The following FRRS1 variants were observed in gnomAD, a reference collection of about 807,000 sequenced individuals.
The protein encoded by FRRS1 is ferric chelate reductase 1.
In FRRS1, 51 loss-of-function variants were observed where a neutral mutation model predicts 70.7. That is an observed-to-expected ratio of 0.72 (90% CI 0.58 to 0.91). FRRS1 has a LOEUF of 0.91. Ranked by LOEUF, FRRS1 falls within the 40% of genes least tolerant of loss-of-function variation. The probability of loss-of-function intolerance (pLI) is 0.00; values close to 1 mark genes in which losing one functional copy is unlikely to be tolerated. For missense variants in FRRS1, 672 were observed against 726.0 expected, an observed-to-expected ratio of 0.93 and a Z score of 0.86; for synonymous variants, 225 against 238.7, an observed-to-expected ratio of 0.94 and a Z score of 0.53.
At chr1:99,734,841 C>T (rs1022005895) in intron 7 of FRRS1, among the ~76,000 whole-genome samples, 1 of 152,116 alleles carries the variant, frequency 6.6e-6, no homozygotes, top group African/African-American at 2.4e-5. Context: ...CAGGAACACA[C>T]ATCTGGACGA....
At chr1:99,732,439 A>AT (rs1227556284) in intron 7 of FRRS1, among the ~76,000 whole-genome samples, 2 of 152,188 alleles carry the variant, frequency 1.3e-5, no homozygotes, top group African/African-American at 4.8e-5. Context: ...CTAAAGCTAT[A>AT]TTTTATTGAG....
intron 7 of FRRS1, among the ~76,000 whole-genome samples, chr1:99,730,966 G>A (rs949650303): frequency 3.3e-5 from 5 of 152,088 alleles, no homozygotes; most frequent in African/African-American, 1.2e-4. Context: ...AGCCCAGGAG[G>A]TCAAGTCTGC....
intron 1 of FRRS1, among the ~76,000 whole-genome samples, chr1:99,758,883 C>A (rs1022743435): frequency 6.6e-6 from 1 of 152,124 alleles, no homozygotes; most frequent in Non-Finnish European, 1.5e-5. Flanking sequence ...CTGGGAATGT[C>A]TGTCTTATGG....
Position 99,705,666 on chromosome 1 carries a change from A to G in FRRS1, c.*3362T>C, listed in dbSNP as rs548003752. Among the ~76,000 whole-genome samples the G allele has an allele frequency of 6.6e-6, 1 of 152,300 alleles. No individual in the cohort carries two copies. Among genetic ancestry groups the G allele is most frequent in the South Asian group, 2.1e-4 (1 of 4,830 alleles). On this transcript the variant is annotated 3_prime_UTR_variant, in exon 17 of 17. Coordinates refer to ENST00000646001, the MANE Select transcript of FRRS1 (RefSeq NM_001361041.2). ...ACAAAATCCTTGACAAAAATAAAGT[A>G]CTAAAGTGAATTTGATTCATTTACT...
At chr1:99,763,030 C>A (rs1215985099) in intron 1 of FRRS1, among the ~76,000 whole-genome samples, 1 of 152,202 alleles carries the variant, frequency 6.6e-6, no homozygotes, top group South Asian at 2.1e-4. Context: ...TCCTAAGGTA[C>A]AATTCTCATT....
At chr1:99,758,917 G>A (rs1027492985) in intron 1 of FRRS1, among the ~76,000 whole-genome samples, 1 of 152,082 alleles carries the variant, frequency 6.6e-6, no homozygotes, top group Non-Finnish European at 1.5e-5. Flanking sequence ...ACTGAGATAC[G>A]CCCTGGTCTC....
intron 12 of FRRS1, among the ~76,000 whole-genome samples, chr1:99,714,328 C>T (rs548108420): frequency 6.6e-5 from 10 of 151,880 alleles, no homozygotes; most frequent in African/African-American, 1.7e-4. Context: ...GGATGACAGG[C>T]GTGCGCCACC....
At chr1:99,716,265 T>C (rs147538608) in intron 11 of FRRS1, among the ~76,000 whole-genome samples, 1 of 152,316 alleles carries the variant, frequency 6.6e-6, no homozygotes, top group African/African-American at 2.4e-5. Flanking sequence ...TGTGTATGGA[T>C]GGATGGCTGG....
At position 99,705,188 on chromosome 1, in the gene FRRS1, G is replaced by C. The variant is rs1171824300; in HGVS notation, c.*3840C>G. 2.6e-5 allele frequency among the ~76,000 whole-genome samples: 4 copies of C among 152,186 alleles called. No individual in the cohort carries two copies. The highest frequency in any genetic ancestry group is 9.7e-5 in the African/African-American group (4 of 41,448). ...GCCTGCCCATCTGTATGCTCCCCTA[G>C]ATTTGAGCAGTGGGGCACTGAAGAA... On this transcript the variant is annotated 3_prime_UTR_variant, in exon 17 of 17. Coordinates refer to ENST00000646001, the MANE Select transcript of FRRS1 (RefSeq NM_001361041.2).
intron 12 of FRRS1, among the ~76,000 whole-genome samples, chr1:99,714,865 C>G (rs1260961149): frequency 1.3e-5 from 2 of 152,124 alleles, no homozygotes; most frequent in Non-Finnish European, 2.9e-5. Flanking sequence ...CTTAGACATG[C>G]AAGTCAAGGT....
At chr1:99,763,059 C>G (rs563741870) in intron 1 of FRRS1, among the ~76,000 whole-genome samples, 57 of 152,168 alleles carry the variant, frequency 3.7e-4, no homozygotes, top group Non-Finnish European at 6.0e-4. Context: ...CCTCTCCCCG[C>G]AAAACACTCA....
At chr1:99,747,027 T>C (rs1484878962) in intron 4 of FRRS1, among the ~76,000 whole-genome samples, 1 of 152,226 alleles carries the variant, frequency 6.6e-6, no homozygotes, top group African/African-American at 2.4e-5. Context: ...ATTTAATGAA[T>C]AGTAAATATA....
At chr1:99,751,498 A>T (rs1054047431) in intron 1 of FRRS1, among the ~76,000 whole-genome samples, 1 of 152,264 alleles carries the variant, frequency 6.6e-6, no homozygotes, top group South Asian at 2.1e-4. Flanking sequence ...GTGTTTTTTT[A>T]AATCCTGAAA....
chr1:99,726,513 T>C (rs1655085659), intron 9 of FRRS1, among the ~76,000 whole-genome samples: 1 of 152,180 alleles, frequency 6.6e-6, no homozygotes, highest in Non-Finnish European at 1.5e-5. Flanking sequence ...GGTCCCAGTT[T>C]CCTTATCTCT....
chr1:99,720,012 T>A (rs1352439270), intron 9 of FRRS1, among the ~76,000 whole-genome samples: 1 of 152,076 alleles, frequency 6.6e-6, no homozygotes, highest in Non-Finnish European at 1.5e-5. Flanking sequence ...TGAAAGAGAA[T>A]ACATATTTTT....
chr1:99,739,861 A>G (rs975351931), intron 6 of FRRS1, among the ~76,000 whole-genome samples: 1 of 143,732 alleles, frequency 7.0e-6, no homozygotes, highest in Non-Finnish European at 1.6e-5. Context: ...CTTTCAACTG[A>G]AACAACCTTT....
intron 5 of FRRS1, among the ~76,000 whole-genome samples, chr1:99,741,860 A>G (rs1207395181): frequency 6.6e-6 from 1 of 152,240 alleles, no homozygotes; most frequent in Non-Finnish European, 1.5e-5. Context: ...GTGCTAGGTG[A>G]TAGGTATACA....
chr1:99,708,597 C>CAAAAAA lies in FRRS1; in HGVS notation c.*425_*430dup. The CAAAAAA allele has an allele frequency of 7.9e-5, 1 of 12,722 alleles. No homozygotes were observed. The highest frequency in any genetic ancestry group is 1.6e-3 in the Admixed American group (1 of 622). The allele number at this position is 12,722 out of a possible 1,614,324, so 0.8% of individuals were successfully genotyped here. ...TGGGCGACAGAGCAAGACTCTGTCT[C>CAAAAAA]AAAAAAAAAAAAAAAAAAAAAAAAA... On this transcript the variant is annotated 3_prime_UTR_variant, in exon 17 of 17. Transcript: ENST00000646001.
intron 7 of FRRS1, among the ~76,000 whole-genome samples, chr1:99,736,248 G>C (rs1655650157): frequency 1.3e-5 from 2 of 152,166 alleles, no homozygotes; most frequent in Non-Finnish European, 2.9e-5. Context: ...ATCACAAAAG[G>C]AAGTGGGGAA....
Sources: allele counts gnomAD v4.1 joint callset (sites outside exome capture counted in the v4.1 genomes callset), GRCh38; gene constraint gnomAD v4.1.1; transcripts MANE v1.5; gene names NCBI Gene and HGNC (gene_info 2026-07-23, HGNC 2026-07-21).